The following BPIFB1 variants were observed in gnomAD, a reference collection of about 807,000 sequenced individuals.
The protein encoded by BPIFB1 is BPI fold containing family B member 1, also known as BPI fold-containing family B member 1.
BPIFB1 carries 34 observed loss-of-function variants against 55.1 expected under a neutral mutation model. The observed-to-expected ratio is 0.62, with a 90% CI of 0.47 to 0.82. The LOEUF (loss-of-function observed/expected upper bound fraction) is 0.82. Ranked by LOEUF, BPIFB1 falls within the 40% of genes least tolerant of loss-of-function variation. The pLI, the probability that BPIFB1 is intolerant of heterozygous loss-of-function variation, is 0.00. For synonymous variants in BPIFB1, 236 were observed against 245.3 expected, an observed-to-expected ratio of 0.96 and a Z score of 0.35; for missense variants, 532 against 593.1, an observed-to-expected ratio of 0.90 and a Z score of 1.07.
chr20:33,307,974 G>C (rs1981092227), intron 15 of BPIFB1: 1 of 151,876 alleles, frequency 6.6e-6, no homozygotes. Context: ...ATGAAGAAAA[G>C]AGGTTTAATT....
chr20:33,306,866 T>C (rs1981045346), intron 14 of BPIFB1, 45 bp from the exon 15 acceptor site: 1 of 1,549,972 alleles, frequency 6.5e-7, no homozygotes. Context: ...GGCTGCCCAG[T>C]CTCACCCCAG....
In BPIFB1 at chr20:33,288,837, C is replaced by T. The variant is rs1016419743; in HGVS notation, c.212C>T (p.Pro71Leu). 25 of 1,613,828 alleles carry T rather than the reference C, an allele frequency of 1.5e-5. No individual in the cohort carries two copies. The highest frequency in any genetic ancestry group is 2.1e-5 in the Non-Finnish European group (25 of 1,180,014). The change falls in exon 3 of 16, where the codon CCT becomes CTT. Residue 71 changes from proline to leucine, a missense_variant. Physicochemically the swap from Pro to Leu is moderately conservative, Grantham distance 98. Coordinates refer to ENST00000253354, the MANE Select transcript of BPIFB1 (RefSeq NM_033197.3). ...CGGGAAAAGCCAGCCGGAGGCATCC[C>T]TGTGCTGGGCAGCCTGGTGAACACC... is the stretch of plus-strand genomic sequence containing the variant. ...AMREKPAGGIPVLGSLVNTVL... is the reference protein window; with the variant it reads ...AMREKPAGGILVLGSLVNTVL...
At chr20:33,287,668 A>T (rs574101174) in intron 2 of BPIFB1, among the ~76,000 whole-genome samples, 15 of 152,248 alleles carry the variant, frequency 9.9e-5, no homozygotes, top group African/African-American at 3.6e-4. Flanking sequence ...TGGCAATCTG[A>T]CGCTAGTGGG....
At chr20:33,302,017 G>A (rs539010416) in intron 9 of BPIFB1, among the ~76,000 whole-genome samples, 1 of 152,276 alleles carries the variant, frequency 6.6e-6, no homozygotes. Flanking sequence ...CAAGCTCTCA[G>A]GGGACTGGGA....
At chr20:33,291,784 A>T in intron 5 of BPIFB1, 123 bp from the exon 6 acceptor site, 1 of 819,274 alleles carries the variant, frequency 1.2e-6, no homozygotes, top group Non-Finnish European at 2.0e-6. Flanking sequence ...CGTCTCTAAC[A>T]CGTCCTGTGA....
In BPIFB1 at chr20:33,286,084, C is replaced by T. The variant is rs753769903; in HGVS notation, c.11C>T (p.Pro4Leu). The T allele has an allele frequency of 4.3e-6, 7 of 1,614,172 alleles. No individual in the cohort carries two copies. Among genetic ancestry groups the T allele is most frequent in the South Asian group, 1.1e-5 (1 of 91,068 alleles). Residue 4 changes from proline to leucine, a missense_variant, in exon 2 of 16, where the codon CCG (proline) becomes CTG (leucine). Physicochemically the swap from Pro to Leu is moderately conservative, Grantham distance 98. Coordinates refer to ENST00000253354, the MANE Select transcript of BPIFB1 (RefSeq NM_033197.3). ...CTGACACCTGGGAAGATGGCCGGCC[C>T]GTGGACCTTCACCCTTCTCTGTGGT... MAG[P>L]WTFTLLCGLL...
chr20:33,305,004 T>TG, intron 13 of BPIFB1, 113 bp downstream of exon 13: 4 of 1,236,948 alleles, frequency 3.2e-6, no homozygotes, highest in South Asian at 1.3e-5. Flanking sequence ...AGAAGCACCA[T>TG]GGGGGGCTGG....
Position 33,309,831 on chromosome 20 carries a change from T to C in BPIFB1, c.*64T>C. On this transcript the variant is annotated 3_prime_UTR_variant, in exon 16 of 16. Coordinates refer to ENST00000253354, the MANE Select transcript of BPIFB1 (RefSeq NM_033197.3). This position sits in a 1 kb window ranked among gnomAD's most constrained non-coding sequence, Gnocchi z 4.4. Reference sequence around the variant, plus strand: ...GCTGGGAGTATGGGTGTGAGCTCTATAGACCATCCCTCTCTGCAATCAATA... The same window carrying C: ...GCTGGGAGTATGGGTGTGAGCTCTACAGACCATCCCTCTCTGCAATCAATA... The C allele has an allele frequency of 7.1e-7, 1 of 1,410,538 alleles. No homozygotes were observed. The highest frequency in any genetic ancestry group is 1.0e-6 in the Non-Finnish European group (1 of 997,048). The allele number at this position is 1,410,538 out of a possible 1,614,324, so 87.4% of individuals were successfully genotyped here. A position where few individuals can be genotyped will look rare whatever the true frequency, so the allele number is the denominator to read the frequency against.
chr20:33,307,095 G>A (rs1347412698), intron 15 of BPIFB1, 108 bp downstream of exon 15: 1 of 998,242 alleles, frequency 1.0e-6, no homozygotes, highest in African/African-American at 1.6e-5. Context: ...AGGTGACCCT[G>A]GGCAAGTCCC....
intron 14 of BPIFB1, 58 bp from the exon 15 acceptor site, chr20:33,306,853 C>T (rs1450659377): frequency 6.8e-7 from 1 of 1,470,986 alleles, no homozygotes; most frequent in Non-Finnish European, 9.5e-7. Flanking sequence ...TGAGCCTGCC[C>T]CTGGCTGCCC....
chr20:33,295,901 A>C, intron 6 of BPIFB1, among the ~76,000 whole-genome samples: 1 of 136,688 alleles, frequency 7.3e-6, no homozygotes, highest in Non-Finnish European at 1.6e-5. Context: ...GAAAGAAGGA[A>C]GGAAGGAAGG....
rs200424710 is a variant in BPIFB1, at chr20:33,288,927, C to G, written c.257+45C>G. 27 of 1,581,614 alleles carry G rather than the reference C, an allele frequency of 1.7e-5. No homozygotes were observed. In the East Asian group the frequency reaches 5.4e-4, roughly 32 times the overall value. ...ACCAGGAGCTAGCCCCTTCCCACAC[C>G]TTTGCCCGGGACACGCTCTGCATGC... On this transcript the variant is annotated intron_variant, in intron 3 of 15. Coordinates refer to ENST00000253354, the MANE Select transcript of BPIFB1 (RefSeq NM_033197.3).
chr20:33,293,672 C>G (rs1420653644), intron 6 of BPIFB1, among the ~76,000 whole-genome samples: 2 of 152,134 alleles, frequency 1.3e-5, no homozygotes, highest in Admixed American at 1.3e-4. Flanking sequence ...CCCATCTCTA[C>G]AGAAAAATAA....
intron 5 of BPIFB1, among the ~76,000 whole-genome samples, chr20:33,291,622 C>T (rs1276855203): frequency 1.3e-5 from 2 of 152,194 alleles, no homozygotes; most frequent in Non-Finnish European, 2.9e-5. Context: ...AACATGGCGC[C>T]CCCCCTTCCC....
chr20:33,306,204 C>G (rs938018709), intron 14 of BPIFB1, 139 bp downstream of exon 14: 7 of 943,366 alleles, frequency 7.4e-6, no homozygotes, highest in Non-Finnish European at 1.2e-5. Context: ...TGCCTCCTCC[C>G]AAGAACCTTC....
chr20:33,295,718 AAGAG>A (rs370207110), intron 6 of BPIFB1, among the ~76,000 whole-genome samples: 2 of 149,586 alleles, frequency 1.3e-5, no homozygotes, highest in African/African-American at 5.0e-5. Context: ...AGGAAGGAAA[AAGAG>A]AGAGAGGGAA....
At chr20:33,305,078 C>G (rs563897843) in intron 13 of BPIFB1, among the ~76,000 whole-genome samples, 187 bp downstream of exon 13, 151 of 152,280 alleles carry the variant, frequency 9.9e-4, no homozygotes, top group Non-Finnish European at 1.7e-3. Context: ...GTGTCAGACA[C>G]AGCTGAGAAC....
chr20:33,299,273 A>G (rs918171612), intron 7 of BPIFB1: 5 of 431,348 alleles, frequency 1.2e-5, no homozygotes, highest in Admixed American at 7.3e-5. Context: ...ATCCTCGGCC[A>G]TACACCGGGG....
At chr20:33,297,667 C>A in intron 7 of BPIFB1, 79 bp downstream of exon 7, 1 of 1,480,822 alleles carries the variant, frequency 6.8e-7, no homozygotes, top group Non-Finnish European at 9.4e-7. Flanking sequence ...CAAGGGAAGG[C>A]CTCCCCAAGT....
Sources: gnomAD v4.1 joint callset for allele counts (sites outside exome capture counted in the v4.1 genomes callset) on GRCh38, gnomAD v4.1.1 for gene constraint, Gnocchi (gnomAD v3.1) non-coding constraint, MANE v1.5 for transcripts, NCBI Gene and HGNC (gene_info 2026-07-23, HGNC 2026-07-21) for gene names.